The following PTPRD variants were observed in gnomAD, a reference collection of about 807,000 sequenced individuals.
PTPRD encodes the protein protein tyrosine phosphatase receptor type D.
A neutral mutation model predicts 214.5 loss-of-function variants in PTPRD; 34 were observed. The observed-to-expected ratio is 0.16, with a 90% CI of 0.12 to 0.21. The LOEUF (loss-of-function observed/expected upper bound fraction) is 0.21, where lower values mean the gene tolerates loss of function less well. Ranked by LOEUF, PTPRD falls within the 10% of genes least tolerant of loss-of-function variation. The pLI is 1.00. For missense variants in PTPRD, 2,545 were observed against 2,398.7 expected (o/e 1.06, Z -1.27); for synonymous variants, 1,128 against 845.7 (o/e 1.33, Z -5.79).
intron 5 of PTPRD, among the ~76,000 whole-genome samples, chr9:9,824,183 CAA>C (rs36024907): frequency 2.0e-5 from 3 of 150,190 alleles, no homozygotes; most frequent in South Asian, 2.1e-4. Flanking sequence ...TGCAAGTTAT[CAA>C]AAAAAAAATT....
chr9:9,384,775 A>T (rs139094680), intron 9 of PTPRD, among the ~76,000 whole-genome samples: 184 of 152,042 alleles, frequency 1.2e-3, no homozygotes, highest in African/African-American at 4.3e-3. Flanking sequence ...TGCTTTTTTC[A>T]TGCTTCACTA....
chr9:9,520,644 T>G (rs1393874259), intron 8 of PTPRD, among the ~76,000 whole-genome samples: 1 of 152,202 alleles, frequency 6.6e-6, no homozygotes, highest in Non-Finnish European at 1.5e-5. Flanking sequence ...GAGATATAAA[T>G]TATTTTCCAT....
chr9:10,468,114 C>T (rs983559066), intron 2 of PTPRD, among the ~76,000 whole-genome samples: 11 of 152,148 alleles, frequency 7.2e-5, no homozygotes, highest in African/African-American at 2.2e-4. Flanking sequence ...GGATCTAGAA[C>T]CAGAAATACC....
intron 5 of PTPRD, among the ~76,000 whole-genome samples, chr9:9,907,881 G>A (rs115406245): frequency 0.016 from 2,392 of 151,976 alleles, 73 homozygotes; most frequent in African/African-American, 0.055. Flanking sequence ...ATGTATTATA[G>A]AATTATAAAT....
At chr9:8,887,702 C>G (rs189059320) in intron 11 of PTPRD, among the ~76,000 whole-genome samples, 1 of 151,580 alleles carries the variant, frequency 6.6e-6, no homozygotes, top group Admixed American at 6.6e-5. Context: ...TCAAAGGAAG[C>G]AGTAATGAAA....
At chr9:8,602,337 A>G (rs1475396463) in intron 14 of PTPRD, among the ~76,000 whole-genome samples, 8 of 152,108 alleles carry the variant, frequency 5.3e-5, no homozygotes, top group Non-Finnish European at 1.2e-4. Context: ...CTGAGACTTC[A>G]CACTACCTTG....
chr9:10,486,127 T>C (rs1410171228), intron 2 of PTPRD, among the ~76,000 whole-genome samples: 1 of 152,102 alleles, frequency 6.6e-6, no homozygotes, highest in African/African-American at 2.4e-5. Flanking sequence ...TCCCATTCTG[T>C]AGGTTGCCTG....
intron 14 of PTPRD, among the ~76,000 whole-genome samples, chr9:8,619,579 A>C (rs928171569): frequency 6.6e-6 from 1 of 152,008 alleles, no homozygotes; most frequent in African/African-American, 2.4e-5. Flanking sequence ...TGTCTTCTTT[A>C]ATGCCTTTTT....
intron 3 of PTPRD, among the ~76,000 whole-genome samples, chr9:10,125,622 T>TTGTGTGTGTGTGTGTGTG (rs35164422): frequency 7.0e-4 from 97 of 139,308 alleles, no homozygotes; most frequent in Middle Eastern, 3.6e-3. Flanking sequence ...GCTCGGCTAA[T>TTGTGTGTGTGTGTGTGTG]TGTGTGTGTG....
chr9:10,046,849 G>C (rs556029348), intron 3 of PTPRD, among the ~76,000 whole-genome samples: 1 of 151,890 alleles, frequency 6.6e-6, no homozygotes, highest in African/African-American at 2.4e-5. Flanking sequence ...GAAATACCAC[G>C]AAAACTGAGC....
At chr9:9,052,432 AT>A (rs1265990818) in intron 10 of PTPRD, among the ~76,000 whole-genome samples, 1 of 152,228 alleles carries the variant, frequency 6.6e-6, no homozygotes, top group Non-Finnish European at 1.5e-5. Context: ...ATCAGAACCC[AT>A]TCCTTTGTGT....
chr9:9,755,569 A>G (rs1471810356), intron 6 of PTPRD, among the ~76,000 whole-genome samples: 1 of 152,086 alleles, frequency 6.6e-6, no homozygotes, highest in Non-Finnish European at 1.5e-5. Context: ...AACTATGAAG[A>G]AAAATTGGGT....
At chr9:8,929,681 T>TTATATATGTGTATATATATACGTGTATA (rs2098930743) in intron 11 of PTPRD, among the ~76,000 whole-genome samples, 1 of 119,768 alleles carries the variant, frequency 8.3e-6, no homozygotes, top group African/African-American at 3.4e-5. Context: ...AGGTTTTCTT[T>TTATATATGTGTATATATATACGTGTATA]TATATATGTG....
At chr9:9,011,909 G>A (rs2154362810) in intron 11 of PTPRD, among the ~76,000 whole-genome samples, 1 of 152,184 alleles carries the variant, frequency 6.6e-6, no homozygotes, top group South Asian at 2.1e-4. Flanking sequence ...CACTGAGTGT[G>A]GGCAGGACCT....
At chr9:9,809,422 C>T (rs560383876) in intron 5 of PTPRD, among the ~76,000 whole-genome samples, 1 of 151,978 alleles carries the variant, frequency 6.6e-6, no homozygotes, top group Non-Finnish European at 1.5e-5. Context: ...TGCCCACCAC[C>T]ACGCCTGGCT....
chr9:10,103,526 G>A (rs1245236224), intron 3 of PTPRD, among the ~76,000 whole-genome samples: 2 of 151,106 alleles, frequency 1.3e-5, no homozygotes, highest in African/African-American at 4.9e-5. Flanking sequence ...CTACCCAAGA[G>A]TCTCATTAGA....
chr9:9,742,196 G>A (rs1343491070), intron 6 of PTPRD, among the ~76,000 whole-genome samples: 1 of 152,164 alleles, frequency 6.6e-6, no homozygotes, highest in African/African-American at 2.4e-5. Context: ...CTGCATAAAT[G>A]TCTTCTTTTG....
intron 2 of PTPRD, among the ~76,000 whole-genome samples, chr9:10,532,564 T>A (rs1202575419): frequency 1.3e-5 from 2 of 148,160 alleles, no homozygotes; most frequent in Non-Finnish European, 3.0e-5. Context: ...AAAAGTCCTA[T>A]ATATATACAC....
chr9:9,154,746 G>A (rs1234545621), intron 10 of PTPRD, among the ~76,000 whole-genome samples: 1 of 152,096 alleles, frequency 6.6e-6, no homozygotes, highest in Non-Finnish European at 1.5e-5. Flanking sequence ...AGCCAGAAAA[G>A]TAAAAGAAGA....
Sources: gnomAD v4.1 joint callset for allele counts (sites outside exome capture counted in the v4.1 genomes callset) on GRCh38, gnomAD v4.1.1 for gene constraint, MANE v1.5 for transcripts, NCBI Gene and HGNC (gene_info 2026-07-23, HGNC 2026-07-21) for gene names.